PPFIA2: variants seen among roughly 807,000 people sequenced by gnomAD.
PPFIA2 encodes the protein PPFI scaffold protein A2.
In PPFIA2, 46 loss-of-function variants were observed where a neutral mutation model predicts 175.5. That is an observed-to-expected ratio of 0.26 (90% CI 0.21 to 0.34). The LOEUF (loss-of-function observed/expected upper bound fraction) is 0.34. Ranked by LOEUF, PPFIA2 falls within the 10% of genes least tolerant of loss-of-function variation. The pLI is 1.00. For synonymous variants in PPFIA2, 568 were observed against 511.4 expected, an observed-to-expected ratio of 1.11 and a Z score of -1.49; for missense variants, 1,179 against 1,506.1, an observed-to-expected ratio of 0.78 and a Z score of 3.60.
At chr12:81,466,049 T>G (rs1593413679) in intron 4 of PPFIA2, among the ~76,000 whole-genome samples, 1 of 152,286 alleles carries the variant, frequency 6.6e-6, no homozygotes, top group East Asian at 1.9e-4. Context: ...AAAACAGTAA[T>G]GTCTCACGGT....
At chr12:81,324,130 G>A (rs1287682843) in intron 22 of PPFIA2, among the ~76,000 whole-genome samples, 1 of 151,864 alleles carries the variant, frequency 6.6e-6, no homozygotes, top group Non-Finnish European at 1.5e-5. Flanking sequence ...AGTCAAGCAT[G>A]GTAACATATT....
At chr12:81,473,052 T>C (rs1176384414) in intron 4 of PPFIA2, 2 of 152,256 alleles carry the variant, frequency 1.3e-5, no homozygotes, top group East Asian at 3.8e-4. Flanking sequence ...TGTAGCTATT[T>C]ACTCATTTAT....
chr12:81,666,190 G>T lies in PPFIA2; in HGVS notation c.303+10601C>A, dbSNP rs191176310. 8.2e-3 allele frequency among the ~76,000 whole-genome samples: 1,246 copies of T among 152,250 alleles called. 61 individuals are homozygous for T. The highest frequency in any genetic ancestry group is 0.077 in the Admixed American group (1,179 of 15,290). ...ACTGTAAACTAGTTCAACCATTGTG[G>T]AATTCAGTGTGGCGATTCCTCAAGG... On this transcript the variant is annotated intron_variant, in intron 4 of 32. Transcript: ENST00000549396.
chr12:81,432,709 G>A (rs957526087), intron 7 of PPFIA2, among the ~76,000 whole-genome samples: 1 of 151,692 alleles, frequency 6.6e-6, no homozygotes, highest in Non-Finnish European at 1.5e-5. Context: ...CACCCACCTC[G>A]GCCTCCCAAA....
At chr12:81,392,408 A>G (rs928092035) in intron 8 of PPFIA2, among the ~76,000 whole-genome samples, 1 of 151,910 alleles carries the variant, frequency 6.6e-6, no homozygotes, top group Non-Finnish European at 1.5e-5. Flanking sequence ...AAGCTATTGT[A>G]TAAGCCCACA....
chr12:81,667,772 T>C (rs933687613), intron 4 of PPFIA2, among the ~76,000 whole-genome samples: 10 of 151,932 alleles, frequency 6.6e-5, no homozygotes, highest in Non-Finnish European at 1.5e-4. Flanking sequence ...CATTTTCAAG[T>C]TCAGAATATC....
At chr12:81,566,368 A>G (rs1008144076) in intron 4 of PPFIA2, among the ~76,000 whole-genome samples, 1 of 151,968 alleles carries the variant, frequency 6.6e-6, no homozygotes, top group Non-Finnish European at 1.5e-5. Context: ...CTAAGAAAAT[A>G]CAAAAATCAG....
At chr12:81,589,488 GTAGT>G (rs2058424941) in intron 4 of PPFIA2, among the ~76,000 whole-genome samples, 1 of 152,066 alleles carries the variant, frequency 6.6e-6, no homozygotes, top group Non-Finnish European at 1.5e-5. Flanking sequence ...ATGAGGGGGT[GTAGT>G]TAAATAAAAG....
At chr12:81,595,660 T>A (rs1323280507) in intron 4 of PPFIA2, among the ~76,000 whole-genome samples, 3 of 152,172 alleles carry the variant, frequency 2.0e-5, no homozygotes, top group Non-Finnish European at 4.4e-5. Flanking sequence ...TTTGTCTAAA[T>A]TAAAGATGCA....
intron 4 of PPFIA2, among the ~76,000 whole-genome samples, chr12:81,535,252 C>T (rs1440879331): frequency 6.6e-6 from 1 of 151,668 alleles, no homozygotes; most frequent in African/African-American, 2.4e-5. Context: ...GGGCAATGGA[C>T]AGCAGAGCAT....
At chr12:81,551,115 G>T (rs2067845714) in intron 4 of PPFIA2, among the ~76,000 whole-genome samples, 1 of 151,918 alleles carries the variant, frequency 6.6e-6, no homozygotes, top group African/African-American at 2.4e-5. Flanking sequence ...AAATGATCAG[G>T]CTAGAAATGT....
At position 81,658,270 on chromosome 12, in the gene PPFIA2, A is replaced by G. The variant is rs569454409; in HGVS notation, c.303+18521T>C. Among the ~76,000 whole-genome samples, 3 of 131,852 alleles carry G rather than the reference A, an allele frequency of 2.3e-5. No individual in the cohort carries two copies. In the South Asian group the frequency reaches 7.0e-4, roughly 31 times the overall value. 86.5% of individuals were successfully genotyped at this position (131,852 alleles called of 152,430 possible). On this transcript the variant is annotated intron_variant, in intron 4 of 32. Transcript: ENST00000549396. ...GCAACAAGAGCAAAACTCCATCTCA[A>G]AAAAAAAAAAAAAAGAAAAGAAAAG...
intron 4 of PPFIA2, among the ~76,000 whole-genome samples, chr12:81,461,295 C>A (rs1178194924): frequency 6.6e-6 from 1 of 152,028 alleles, no homozygotes; most frequent in Non-Finnish European, 1.5e-5. Flanking sequence ...ATAACTTGTT[C>A]AAGGTCACCG....
At chr12:81,277,240 T>TA in intron 28 of PPFIA2, 77 bp downstream of exon 28, 1 of 1,262,768 alleles carries the variant, frequency 7.9e-7, no homozygotes, top group African/African-American at 1.5e-5. Context: ...GTAACACATA[T>TA]AACATTTTAG....
Position 81,402,258 on chromosome 12 carries a change from C to A in PPFIA2, c.762+3529G>T, listed in dbSNP as rs61934728. Reference sequence around the variant, plus strand: ...CTGATCAACCACTTTTCAATTTACACACTAACACTACAGTCATCGTTGATA... The same window carrying A: ...CTGATCAACCACTTTTCAATTTACAAACTAACACTACAGTCATCGTTGATA... On this transcript the variant is annotated intron_variant, in intron 8 of 32. Transcript: ENST00000549396. Among the ~76,000 whole-genome samples, 905 of 152,230 alleles carry A rather than the reference C, an allele frequency of 5.9e-3. 8 individuals are homozygous for A. The highest frequency in any genetic ancestry group is 0.01 in the Non-Finnish European group (689 of 68,018).
At chr12:81,571,114 A>G (rs923690252) in intron 4 of PPFIA2, among the ~76,000 whole-genome samples, 2 of 152,108 alleles carry the variant, frequency 1.3e-5, no homozygotes, top group Non-Finnish European at 2.9e-5. Context: ...TAGCTATGAT[A>G]CCAGCATTTA....
chr12:81,341,717 C>T (rs2058117726), intron 19 of PPFIA2, among the ~76,000 whole-genome samples: 1 of 152,066 alleles, frequency 6.6e-6, no homozygotes, highest in African/African-American at 2.4e-5. Context: ...GACTATTGAT[C>T]TATAGTGTTT....
chr12:81,620,344 C>A (rs1307263668), intron 4 of PPFIA2, among the ~76,000 whole-genome samples: 1 of 151,898 alleles, frequency 6.6e-6, no homozygotes. Context: ...AAGTTTATTC[C>A]AGGAAAACTC....
chr12:81,448,305 C>T (rs2051715755), intron 5 of PPFIA2, among the ~76,000 whole-genome samples: 1 of 152,168 alleles, frequency 6.6e-6, no homozygotes, highest in African/African-American at 2.4e-5. Flanking sequence ...TAAGCACTCT[C>T]TTTCATGCTC....
Sources: allele counts gnomAD v4.1 joint callset (sites outside exome capture counted in the v4.1 genomes callset), GRCh38; gene constraint gnomAD v4.1.1; transcripts MANE v1.5; gene names NCBI Gene and HGNC (gene_info 2026-07-23, HGNC 2026-07-21).